CLK2: variants seen among roughly 807,000 people sequenced by gnomAD.
The protein encoded by CLK2 is dual specificity protein kinase CLK2.
A neutral mutation model predicts 73.5 loss-of-function variants in CLK2; 12 were observed. The observed-to-expected ratio is 0.16, with a 90% CI of 0.10 to 0.26. The LOEUF (loss-of-function observed/expected upper bound fraction) is 0.26, where lower values mean the gene tolerates loss of function less well. CLK2 is among the 10% of genes least tolerant of loss of function. The pLI is 1.00. For missense variants in CLK2, 509 were observed against 688.4 expected (o/e 0.74, Z 2.92); for synonymous variants, 232 against 237.9 (o/e 0.98, Z 0.23).
rs745674031 is a variant in CLK2 at position 155,263,276 on chromosome 1, C to T, written c.1442G>A (p.Arg481His). Residue 481 changes from arginine to histidine, a missense_variant, in exon 13 of 13, where the codon CGC becomes CAC. Coordinates refer to ENST00000368361, the MANE Select transcript of CLK2 (RefSeq NM_001294338.2). ...GEALQHPFFARLRAEPPNKLW... is the reference protein window; with the variant it reads ...GEALQHPFFAHLRAEPPNKLW... ...CTTGTTGGGCGGCTCAGCCCGAAGGCGGGCGAAGAAAGGATGCTGAAGGGC... is the reference window on the plus strand; with the variant it reads ...CTTGTTGGGCGGCTCAGCCCGAAGGTGGGCGAAGAAAGGATGCTGAAGGGC... 8.1e-6 allele frequency: 13 copies of T among 1,613,984 alleles called. No individual in the cohort carries two copies. The highest frequency in any genetic ancestry group is 1.1e-5 in the South Asian group (1 of 91,082).
chr1:155,269,456 T>C (rs1673388551), intron 3 of CLK2, 32 bp downstream of exon 3: 2 of 1,585,572 alleles, frequency 1.3e-6, no homozygotes, highest in Non-Finnish European at 1.7e-6. Flanking sequence ...TGCAGAAGAG[T>C]GGGGAGAGGA....
At chr1:155,265,056 T>C (rs941432756) in intron 8 of CLK2, among the ~76,000 whole-genome samples, 1 of 152,184 alleles carries the variant, frequency 6.6e-6, no homozygotes, top group Non-Finnish European at 1.5e-5. Flanking sequence ...TGAAAACATG[T>C]AACATGTAGC....
intron 6 of CLK2, among the ~76,000 whole-genome samples, chr1:155,267,684 A>G (rs1045534603): frequency 6.6e-6 from 1 of 152,234 alleles, no homozygotes; most frequent in Non-Finnish European, 1.5e-5. Flanking sequence ...GCATAGTTCT[A>G]CTTATAAAAG....
At position 155,270,964 on chromosome 1, in the gene CLK2, C is replaced by T. The variant is rs776525886; in HGVS notation, c.14G>A (p.Arg5Gln). 47 of 1,609,816 alleles carry T rather than the reference C, an allele frequency of 2.9e-5. No individual in the cohort carries two copies. Among genetic ancestry groups the T allele is most frequent in the South Asian group, 4.4e-5 (4 of 91,008 alleles). The change falls in exon 2 of 13, where the codon CGA becomes CAA. Residue 5 changes from arginine to glutamine, a missense_variant. Physicochemically the swap from Arg to Gln is conservative, Grantham distance 43 (BLOSUM62 1). This residue lies in a region of CLK2 where 222 missense variants were observed against 221.7 expected (regional missense o/e 1.00). Coordinates refer to ENST00000368361, the MANE Select transcript of CLK2 (RefSeq NM_001294338.2). ...GCCTCGCTCTGAGGAGTGGTACCTT[C>T]GAGGATGCGGCATCTGGAAGGCAAG... MPHP[R>Q]RYHSSERGSR... is the part of the protein sequence containing the mutation.
At chr1:155,272,968 C>T (rs886390206) in intron 1 of CLK2, among the ~76,000 whole-genome samples, 1 of 152,152 alleles carries the variant, frequency 6.6e-6, no homozygotes. Flanking sequence ...CACTCCCATC[C>T]TTACTCTATC....
intron 12 of CLK2, 89 bp from the exon 13 acceptor site, chr1:155,263,489 A>G: frequency 2.6e-6 from 4 of 1,526,848 alleles, no homozygotes; most frequent in Non-Finnish European, 3.5e-6. Context: ...TTGGAGAACC[A>G]AGGCTCTGCT....
Position 155,268,668 on chromosome 1 carries a change from A to G in CLK2, c.487+40T>C. 6.4e-7 allele frequency: 1 copy of G among 1,562,136 alleles called. No homozygotes were observed. The highest frequency in any genetic ancestry group is 8.8e-7 in the Non-Finnish European group (1 of 1,132,760). ...CTTGGGACGTTAGGATGGCTATGGG[A>G]CCATTACAGGCTATAGGATTGTTAC... is the stretch of plus-strand genomic sequence containing the variant. On this transcript the variant is annotated intron_variant, in intron 4 of 12. Coordinates refer to ENST00000368361, the MANE Select transcript of CLK2 (RefSeq NM_001294338.2). The surrounding 1 kb of genome is among the most constrained non-coding windows in gnomAD (Gnocchi z 5.6).
At position 155,268,237 on chromosome 1, in the gene CLK2, C is replaced by T; in HGVS notation, c.554+56G>A. 2.5e-6 allele frequency: 4 copies of T among 1,576,232 alleles called. No homozygotes were observed. The highest frequency in any genetic ancestry group is 3.5e-6 in the Non-Finnish European group (4 of 1,145,772). On this transcript the variant is annotated intron_variant, in intron 5 of 12. Coordinates refer to ENST00000368361, the MANE Select transcript of CLK2 (RefSeq NM_001294338.2). The surrounding 1 kb of genome is among the most constrained non-coding windows in gnomAD (Gnocchi z 5.6). ...CTCAGGTTAATTAGCAAAAAAGCCC[C>T]ATATAACCCCAACCATCTCTTTAGC...
intron 6 of CLK2, among the ~76,000 whole-genome samples, chr1:155,267,461 C>A (rs180938381): frequency 1.3e-5 from 2 of 152,258 alleles, no homozygotes; most frequent in East Asian, 3.9e-4. Context: ...TGTGGAGTGC[C>A]AAGCTCCAAA....
chr1:155,263,125 ACT>A lies in CLK2; in HGVS notation c.*91_*92del. On this transcript the variant is annotated 3_prime_UTR_variant, in exon 13 of 13. Coordinates refer to ENST00000368361, the MANE Select transcript of CLK2 (RefSeq NM_001294338.2). ...ATAGAGAGCCAGGAGGAAGGAGTGAACTCTGGCTCGTTCTCTTGTATAAAAAA... is the reference window on the plus strand; with the variant it reads ...ATAGAGAGCCAGGAGGAAGGAGTGAACTGGCTCGTTCTCTTGTATAAAAAA... 8.0e-7 allele frequency: 1 copy of A among 1,244,860 alleles called. No individual in the cohort carries two copies. The highest frequency in any genetic ancestry group is 1.1e-6 in the Non-Finnish European group (1 of 912,468). The allele number at this position is 1,244,860 out of a possible 1,614,324, so 77.1% of individuals were successfully genotyped here. A position where few individuals can be genotyped will look rare whatever the true frequency, so the allele number is the denominator to read the frequency against.
rs772624099 is a variant in CLK2, at chr1:155,268,352, G to A, written c.495C>T (p.Ile165=). ...VGDWLQERYE[I]VSTLGEGTFG... ...AGGTCCCCTCTCCTAAGGTGCTAAC[G>A]ATTTCATCTGAAATGAAAGAGAGCA... The change falls in exon 5 of 13, where the codon ATC becomes ATT. Residue 165 remains isoleucine (I), a synonymous_variant. Coordinates refer to ENST00000368361, the MANE Select transcript of CLK2 (RefSeq NM_001294338.2). The surrounding 1 kb of genome is among the most constrained non-coding windows in gnomAD (Gnocchi z 5.6). The A allele has an allele frequency of 1.4e-5, 23 of 1,613,828 alleles. No homozygotes were observed. Among genetic ancestry groups the A allele is most frequent in the Middle Eastern group, 1.6e-4 (1 of 6,078 alleles).
chr1:155,269,543 C>A lies in CLK2; in HGVS notation c.344G>T (p.Arg115Leu). ...CCTCCTCCGCCGTCTGTGCTTCCTC[C>A]GGCTGCTGCGCTGGCTGCGGTAACT... ...NSSYRSQRSSRRKHRRRRRRS... is the reference protein window; with the variant it reads ...NSSYRSQRSSLRKHRRRRRRS... Residue 115 changes from arginine (R) to leucine (L), a missense_variant, in exon 3 of 13, where the codon CGG becomes CTG. Arg to Leu is a moderately radical substitution (Grantham distance 102). Coordinates refer to ENST00000368361, the MANE Select transcript of CLK2 (RefSeq NM_001294338.2). The A allele has an allele frequency of 6.2e-7, 1 of 1,614,118 alleles. No individual in the cohort carries two copies. Among genetic ancestry groups the A allele is most frequent in the South Asian group, 1.1e-5 (1 of 91,080 alleles).
chr1:155,269,868 A>G, intron 2 of CLK2, 152 bp from the exon 3 acceptor site: 1 of 706,524 alleles, frequency 1.4e-6, no homozygotes, highest in Non-Finnish European at 2.4e-6. Context: ...CCAAGGGACC[A>G]GAGAAGTGAG....
At position 155,268,143 on chromosome 1, in the gene CLK2, G is replaced by A. The variant is rs772614257; in HGVS notation, c.555-17C>T. 1.1e-5 allele frequency: 18 copies of A among 1,607,676 alleles called. No homozygotes were observed. Among genetic ancestry groups the A allele is most frequent in the South Asian group, 4.4e-5 (4 of 90,950 alleles). On this transcript the variant is annotated splice_polypyrimidine_tract_variant and intron_variant, in intron 5 of 12. Transcript: ENST00000368361. This position sits in a 1 kb window ranked among gnomAD's most constrained non-coding sequence, Gnocchi z 5.6. ...GCCCCACCCCTGTAAGTTGGCAGGAGAGGCTTTTGCTGGGTTCTCAAGAAT... is the reference window on the plus strand; with the variant it reads ...GCCCCACCCCTGTAAGTTGGCAGGAAAGGCTTTTGCTGGGTTCTCAAGAAT...
At chr1:155,269,775 C>G (rs1273496573) in intron 2 of CLK2, 59 bp from the exon 3 acceptor site, 12 of 1,490,602 alleles carry the variant, frequency 8.1e-6, no homozygotes, top group Non-Finnish European at 1.1e-5. Context: ...CCTACCATAC[C>G]CTGTGACAAG....
rs756581857 is a variant in CLK2, at chr1:155,268,828, A to C, written c.400-33T>G. 2.6e-5 allele frequency: 16 copies of C among 608,010 alleles called. No individual in the cohort carries two copies. Among genetic ancestry groups the C allele is most frequent in the Non-Finnish European group, 3.7e-5 (16 of 433,898 alleles). The allele number at this position is 608,010 out of a possible 1,614,324, so 37.7% of individuals were successfully genotyped here. On this transcript the variant is annotated intron_variant, in intron 3 of 12. Coordinates refer to ENST00000368361, the MANE Select transcript of CLK2 (RefSeq NM_001294338.2). This position sits in a 1 kb window ranked among gnomAD's most constrained non-coding sequence, Gnocchi z 5.6. ...GGGGCAGGGGGGGTCGGAGCAAGCC[A>C]GGTGTCGGAGCGGGGGCCGGAGGGA...
At position 155,263,227 on chromosome 1, in the gene CLK2, G is replaced by T. The variant is rs765285447; in HGVS notation, c.1491C>A (p.Ile497=). The change falls in exon 13 of 13, where the codon ATC becomes ATA. Residue 497 remains isoleucine, a synonymous_variant. Coordinates refer to ENST00000368361, the MANE Select transcript of CLK2 (RefSeq NM_001294338.2). ...PNKLWDSSRD[I]SR is the part of the protein sequence containing the mutation. ...GCCCAGGGCCTGATCGTCACCGACT[G>T]ATATCCCGACTGGAGTCCCACAACT... 8.7e-6 allele frequency: 14 copies of T among 1,613,308 alleles called. No homozygotes were observed. In the South Asian group the frequency reaches 1.4e-4, roughly 16 times the overall value.
At position 155,270,933 on chromosome 1, in the gene CLK2, C is replaced by A. The variant is rs746239847; in HGVS notation, c.45G>T (p.Arg15=). The A allele has an allele frequency of 6.2e-7, 1 of 1,614,142 alleles. No individual in the cohort carries two copies. Among genetic ancestry groups the A allele is most frequent in the South Asian group, 1.1e-5 (1 of 91,082 alleles). ...TCCGATAGTGTTCACGGTAACTCCC[C>A]CGGCTGCCTCGCTCTGAGGAGTGGT... ...RRYHSSERGS[R]GSYREHYRSR... is the part of the protein sequence containing the mutation. Residue 15 remains arginine (R), a synonymous_variant, in exon 2 of 13, where the codon CGG becomes CGT. Transcript: ENST00000368361.
Position 155,270,970 on chromosome 1 carries a change from T to G in CLK2, c.8A>C (p.His3Pro). ...CTCTGAGGAGTGGTACCTTCGAGGA[T>G]GCGGCATCTGGAAGGCAAGGGAAAG... is the stretch of plus-strand genomic sequence containing the variant. MP[H>P]PRRYHSSERG... The change falls in exon 2 of 13, where the codon CAT (histidine) becomes CCT (proline). Residue 3 changes from histidine (H) to proline (P), a missense_variant. His to Pro is a moderately conservative substitution (Grantham distance 77, BLOSUM62 -2). Coordinates refer to ENST00000368361, the MANE Select transcript of CLK2 (RefSeq NM_001294338.2). 2 of 1,608,546 alleles carry G rather than the reference T, an allele frequency of 1.2e-6. No homozygotes were observed. Among genetic ancestry groups the G allele is most frequent in the Non-Finnish European group, 1.7e-6 (2 of 1,175,306 alleles).
Sources: allele counts gnomAD v4.1 joint callset (sites outside exome capture counted in the v4.1 genomes callset), GRCh38; gene constraint gnomAD v4.1.1; regional missense constraint gnomAD v4.1.1; non-coding constraint Gnocchi (gnomAD v3.1); transcripts MANE v1.5; gene names NCBI Gene and HGNC (gene_info 2026-07-23, HGNC 2026-07-21).